Variants in MAPK10 observed in about 807,000 individuals in gnomAD.
The protein encoded by MAPK10 is mitogen-activated protein kinase 10, also known as JNK3 alpha protein kinase.
A neutral mutation model predicts 59.3 loss-of-function variants in MAPK10; 25 were observed. The ratio of observed to expected loss-of-function variants is 0.42; its 90% CI spans 0.31 to 0.59. The LOEUF (loss-of-function observed/expected upper bound fraction) is 0.59. Among genes scored for constraint, MAPK10 ranks in the 20% least tolerant of loss-of-function variants. The probability of loss-of-function intolerance (pLI) is 0.15; values close to 1 mark genes in which losing one functional copy is unlikely to be tolerated. For synonymous variants in MAPK10, 190 were observed against 200.5 expected, an observed-to-expected ratio of 0.95 and a Z score of 0.44; for missense variants, 351 against 568.9, an observed-to-expected ratio of 0.62 and a Z score of 3.90.
At chr4:86,228,354 G>A (rs762058805) in intron 2 of MAPK10, among the ~76,000 whole-genome samples, 2 of 152,150 alleles carry the variant, frequency 1.3e-5, no homozygotes, top group Non-Finnish European at 2.9e-5. Context: ...CAGGATCAAG[G>A]CCCGAGATGC....
intron 11 of MAPK10, among the ~76,000 whole-genome samples, chr4:86,038,723 T>G (rs1313349011): frequency 6.6e-6 from 1 of 152,184 alleles, no homozygotes; most frequent in African/African-American, 2.4e-5. Flanking sequence ...TCTAAAGCCT[T>G]ATATTCTCTG....
chr4:86,529,552 TTTCTTTTCAAGTTATTTGC>T (rs1468068880), intron 1 of MAPK10, among the ~76,000 whole-genome samples: 2 of 152,224 alleles, frequency 1.3e-5, no homozygotes, highest in Admixed American at 6.5e-5. Flanking sequence ...TCTGTTTATT[TTTCTTTTCAAGTTATTTGC>T]TTCTTTTCAA....
intron 13 of MAPK10, chr4:86,026,572 AG>A (rs998195581): frequency 2.6e-5 from 4 of 152,242 alleles, no homozygotes; most frequent in Non-Finnish European, 5.9e-5. Flanking sequence ...ACATTTTAAA[AG>A]CATCGCATAA....
intron 1 of MAPK10, among the ~76,000 whole-genome samples, chr4:86,472,912 T>C (rs1177142095): frequency 6.6e-6 from 1 of 152,184 alleles, no homozygotes; most frequent in Non-Finnish European, 1.5e-5. Context: ...ACAAAAACTC[T>C]GTAACAGGCC....
chr4:86,395,941 C>G (rs1742854358), intron 1 of MAPK10, among the ~76,000 whole-genome samples: 1 of 152,222 alleles, frequency 6.6e-6, no homozygotes, highest in African/African-American at 2.4e-5. Flanking sequence ...ATTAATGTTT[C>G]AACATACGAA....
In MAPK10 at chr4:86,057,994, A is replaced by C. The variant is rs3775180; in HGVS notation, c.1110+6272T>G. 4.5e-3 allele frequency among the ~76,000 whole-genome samples: 670 copies of C among 149,946 alleles called. 42 individuals carry two copies. In the East Asian group the frequency reaches 0.1, roughly 23 times the overall value. On this transcript the variant is annotated intron_variant, in intron 11 of 13. Coordinates refer to ENST00000641462, the MANE Select transcript of MAPK10 (RefSeq NM_138982.4). ...ACTGTAGCCCTACAACCAACAATCG[A>C]AAGAGTGACATCAACACATAAAAGG... is the stretch of plus-strand genomic sequence containing the variant.
At chr4:86,263,041 G>A (rs2094072327) in intron 2 of MAPK10, among the ~76,000 whole-genome samples, 1 of 152,052 alleles carries the variant, frequency 6.6e-6, no homozygotes, top group Non-Finnish European at 1.5e-5. Flanking sequence ...GTGAATCAGG[G>A]GCTGCAAAGG....
intron 3 of MAPK10, among the ~76,000 whole-genome samples, chr4:86,183,084 A>G (rs1228162916): frequency 1.3e-5 from 2 of 152,130 alleles, no homozygotes; most frequent in African/African-American, 4.8e-5. Flanking sequence ...TTTGAGTTTC[A>G]GATTTAGTCT....
intron 1 of MAPK10, among the ~76,000 whole-genome samples, chr4:86,379,357 A>C (rs1176622352): frequency 6.6e-6 from 1 of 152,180 alleles, no homozygotes; most frequent in Non-Finnish European, 1.5e-5. Flanking sequence ...AAACAATTTG[A>C]TTCACTGGGA....
intron 1 of MAPK10, among the ~76,000 whole-genome samples, chr4:86,439,047 T>A (rs1749110165): frequency 6.6e-6 from 1 of 152,246 alleles, no homozygotes; most frequent in Non-Finnish European, 1.5e-5. Context: ...GGTTTCAGCA[T>A]GATATTTTCT....
At chr4:86,407,577 C>T (rs999709775) in intron 1 of MAPK10, among the ~76,000 whole-genome samples, 28 of 152,148 alleles carry the variant, frequency 1.8e-4, no homozygotes, top group Admixed American at 5.9e-4. Context: ...AATATCTGTT[C>T]ATCTGTCTGT....
intron 1 of MAPK10, among the ~76,000 whole-genome samples, chr4:86,502,204 A>G (rs918709849): frequency 6.6e-6 from 1 of 151,976 alleles, no homozygotes; most frequent in Non-Finnish European, 1.5e-5. Context: ...TACATTTACA[A>G]CTTGGATGTC....
intron 2 of MAPK10, among the ~76,000 whole-genome samples, chr4:86,226,016 T>C (rs1464475459): frequency 6.6e-6 from 1 of 152,226 alleles, no homozygotes; most frequent in Non-Finnish European, 1.5e-5. Context: ...AAACAATATA[T>C]TCAGAAAAAC....
intron 9 of MAPK10, 150 bp from the exon 10 acceptor site, chr4:86,068,105 G>C: frequency 3.9e-6 from 2 of 508,850 alleles, no homozygotes; most frequent in East Asian, 3.0e-5. Context: ...AATCAGACTT[G>C]CAGGCTATGA....
At chr4:86,339,651 T>C (rs962998998) in intron 2 of MAPK10, among the ~76,000 whole-genome samples, 1 of 152,224 alleles carries the variant, frequency 6.6e-6, no homozygotes, top group African/African-American at 2.4e-5. Context: ...CTTGGAAATG[T>C]TGCTTAACTT....
At chr4:86,233,877 T>C (rs2091918556) in intron 2 of MAPK10, among the ~76,000 whole-genome samples, 1 of 149,458 alleles carries the variant, frequency 6.7e-6, no homozygotes, top group Admixed American at 6.6e-5. Flanking sequence ...TGGTATTGTG[T>C]CTCCCAAGGC....
chr4:86,014,867 T>C lies in MAPK10; in HGVS notation c.*2361A>G, dbSNP rs1054000831. The C allele has an allele frequency of 1.1e-4, 16 of 152,078 alleles. No homozygotes were observed. The highest frequency in any genetic ancestry group is 3.9e-4 in the African/African-American group (16 of 41,400). 9.4% of individuals were successfully genotyped at this position (152,078 alleles called of 1,614,324 possible). A position where few individuals can be genotyped will look rare whatever the true frequency, so the allele number is the denominator to read the frequency against. On this transcript the variant is annotated 3_prime_UTR_variant, in exon 14 of 14. Transcript: ENST00000641462. Reference sequence around the variant, plus strand: ...GCTGATGAAATTCCCCTTGAGACTCTCTTTAAAGCAGCTTCCTGCTCTCCG... The same window carrying C: ...GCTGATGAAATTCCCCTTGAGACTCCCTTTAAAGCAGCTTCCTGCTCTCCG...
At chr4:86,128,376 T>C (rs796781948) in intron 4 of MAPK10, among the ~76,000 whole-genome samples, 14 of 152,200 alleles carry the variant, frequency 9.2e-5, no homozygotes, top group African/African-American at 2.4e-4. Flanking sequence ...ATGGAGGTAA[T>C]TTAATCATGG....
chr4:86,364,915 G>A (rs1180082953), upstream of MAPK10, among the ~76,000 whole-genome samples: 1 of 151,834 alleles, frequency 6.6e-6, no homozygotes, highest in Non-Finnish European at 1.5e-5. Flanking sequence ...AGAAGGCAGA[G>A]GTTGCCATGA....
Sources: allele counts gnomAD v4.1 joint callset (sites outside exome capture counted in the v4.1 genomes callset), GRCh38; gene constraint gnomAD v4.1.1; transcripts MANE v1.5; gene names NCBI Gene and HGNC (gene_info 2026-07-23, HGNC 2026-07-21).